Variants in TMCC1 observed in about 807,000 individuals in gnomAD.
TMCC1 encodes transmembrane and coiled-coil domains protein 1.
In TMCC1, 15 loss-of-function variants were observed where a neutral mutation model predicts 52.4. The ratio of observed to expected loss-of-function variants is 0.29; its 90% CI spans 0.19 to 0.44. The LOEUF (loss-of-function observed/expected upper bound fraction) is 0.44. Among genes scored for constraint, TMCC1 ranks in the 20% least tolerant of loss-of-function variants. The pLI, the probability that TMCC1 is intolerant of heterozygous loss-of-function variation, is 1.00. For missense variants in TMCC1, 503 were observed against 806.0 expected, an observed-to-expected ratio of 0.62 and a Z score of 4.55; for synonymous variants, 279 against 301.9, an observed-to-expected ratio of 0.92 and a Z score of 0.79.
rs541691859 is a variant in TMCC1, at chr3:129,700,763, C to CT, written c.577-29500dup. Among the ~76,000 whole-genome samples the CT allele has an allele frequency of 3.9e-3, 581 of 150,556 alleles. 3 individuals carry two copies. The highest frequency in any genetic ancestry group is 0.013 in the African/African-American group (544 of 40,876). On this transcript the variant is annotated intron_variant, in intron 4 of 6. Coordinates refer to ENST00000393238, the MANE Select transcript of TMCC1 (RefSeq NM_001017395.5). ...GTGCTGGGATTACAGGCGTGAGCCA[C>CT]TGCGCCCAGCCAAAAAAAAAAAAAA...
intron 1 of TMCC1, chr3:129,892,688 C>CTT (rs1438272321): frequency 6.6e-6 from 1 of 152,230 alleles, no homozygotes; most frequent in Non-Finnish European, 1.5e-5. Context: ...TAGCCAACAG[C>CTT]TCAAGTGGGC....
At chr3:129,750,163 T>C (rs2052362030) in intron 4 of TMCC1, among the ~76,000 whole-genome samples, 1 of 151,898 alleles carries the variant, frequency 6.6e-6, no homozygotes, top group East Asian at 1.9e-4. Context: ...CAAAATCTTG[T>C]CTCAAAATCT....
At chr3:129,727,754 T>C (rs149020470) in intron 4 of TMCC1, among the ~76,000 whole-genome samples, 157 of 152,328 alleles carry the variant, frequency 1.0e-3, no homozygotes, top group African/African-American at 3.4e-3. Flanking sequence ...GCCAGCCCTC[T>C]TGGTACTGAT....
At chr3:129,742,538 C>CTA (rs923303462) in intron 4 of TMCC1, among the ~76,000 whole-genome samples, 10 of 152,056 alleles carry the variant, frequency 6.6e-5, no homozygotes, top group African/African-American at 2.4e-4. Context: ...ACTAGGATGG[C>CTA]TATAAAGACA....
At chr3:129,660,285 C>T (rs1306615136) in intron 5 of TMCC1, among the ~76,000 whole-genome samples, 2 of 152,192 alleles carry the variant, frequency 1.3e-5, no homozygotes, top group East Asian at 3.9e-4. Flanking sequence ...GCAGCTGGGA[C>T]TACAGGCATG....
intron 2 of TMCC1, among the ~76,000 whole-genome samples, chr3:129,860,747 C>A (rs2060353180): frequency 6.6e-6 from 1 of 151,898 alleles, no homozygotes; most frequent in Non-Finnish European, 1.5e-5. Flanking sequence ...TTACAGGTGC[C>A]CGCCACCACA....
intron 6 of TMCC1, among the ~76,000 whole-genome samples, chr3:129,653,824 C>T (rs139100006): frequency 1.2e-3 from 181 of 152,068 alleles, no homozygotes; most frequent in African/African-American, 3.7e-3. Flanking sequence ...TATTCTGTAT[C>T]GCTCAATTAC....
chr3:129,755,008 G>A lies in TMCC1; in HGVS notation c.576+72795C>T, dbSNP rs144384033. ...CAGGAGAATCACTTGAACCCGGGAG[G>A]CGGAGGTTGCAGTGAGCCGAGATCG... On this transcript the variant is annotated intron_variant, in intron 4 of 6. Transcript: ENST00000393238. Among the ~76,000 whole-genome samples the A allele has an allele frequency of 4.5e-3, 692 of 152,202 alleles. 8 individuals are homozygous for A. Among genetic ancestry groups the A allele is most frequent in the African/African-American group, 0.016 (658 of 41,528 alleles).
intron 4 of TMCC1, among the ~76,000 whole-genome samples, chr3:129,792,368 GA>G (rs1344214489): frequency 6.6e-6 from 1 of 151,672 alleles, no homozygotes; most frequent in African/African-American, 2.4e-5. Flanking sequence ...TTTTTTTTAA[GA>G]CGGAGTCTCG....
At chr3:129,735,158 C>T (rs1157817322) in intron 4 of TMCC1, among the ~76,000 whole-genome samples, 1 of 152,164 alleles carries the variant, frequency 6.6e-6, no homozygotes, top group African/African-American at 2.4e-5. Context: ...GCCTTGGCCT[C>T]CCAAAGTGTT....
At chr3:129,715,576 GTGCT>G (rs926890483) in intron 4 of TMCC1, among the ~76,000 whole-genome samples, 1 of 152,130 alleles carries the variant, frequency 6.6e-6, no homozygotes, top group African/African-American at 2.4e-5. Flanking sequence ...TATCTGCTCT[GTGCT>G]TGAAGTGAAA....
At chr3:129,852,125 C>T (rs905505530) in intron 2 of TMCC1, among the ~76,000 whole-genome samples, 10 of 152,072 alleles carry the variant, frequency 6.6e-5, no homozygotes, top group African/African-American at 2.4e-4. Flanking sequence ...TGTACTCCAA[C>T]CTGGGCAACA....
chr3:129,844,560 A>G (rs2059573026), intron 2 of TMCC1, among the ~76,000 whole-genome samples: 1 of 152,102 alleles, frequency 6.6e-6, no homozygotes, highest in South Asian at 2.1e-4. Flanking sequence ...CAGAGTTTGC[A>G]TTGGTAGTTT....
chr3:129,804,286 C>A (rs912257412), intron 4 of TMCC1, among the ~76,000 whole-genome samples: 4 of 152,156 alleles, frequency 2.6e-5, no homozygotes, highest in Non-Finnish European at 5.9e-5. Context: ...AATATAATGC[C>A]ATGCAAATAC....
intron 1 of TMCC1, among the ~76,000 whole-genome samples, chr3:129,887,846 C>T (rs182861625): frequency 2.1e-3 from 320 of 152,198 alleles, no homozygotes; most frequent in African/African-American, 7.1e-3. Flanking sequence ...GCTGTCAAAA[C>T]CCATAGAAAT....
chr3:129,756,586 G>A (rs566132756), intron 4 of TMCC1, among the ~76,000 whole-genome samples: 125 of 152,244 alleles, frequency 8.2e-4, no homozygotes, highest in African/African-American at 2.8e-3. Context: ...TTTTAGTAGA[G>A]ACGGGGTTTC....
At chr3:129,882,377 A>AGT (rs2061499518) in intron 1 of TMCC1, among the ~76,000 whole-genome samples, 1 of 152,042 alleles carries the variant, frequency 6.6e-6, no homozygotes, top group East Asian at 1.9e-4. Flanking sequence ...AGTGCTGGCA[A>AGT]GGATATGGAG....
At chr3:129,764,026 A>G (rs1253912379) in intron 4 of TMCC1, among the ~76,000 whole-genome samples, 2 of 152,238 alleles carry the variant, frequency 1.3e-5, no homozygotes, top group Non-Finnish European at 2.9e-5. Context: ...ACTTAAGACT[A>G]TAGATATTAC....
intron 1 of TMCC1, among the ~76,000 whole-genome samples, chr3:129,881,774 C>T (rs924493101): frequency 3.9e-5 from 6 of 152,022 alleles, no homozygotes; most frequent in African/African-American, 9.7e-5. Context: ...GAAGGAAAGA[C>T]GAGTGAATGT....
Sources: allele counts gnomAD v4.1 joint callset (sites outside exome capture counted in the v4.1 genomes callset), GRCh38; gene constraint gnomAD v4.1.1; transcripts MANE v1.5; gene names NCBI Gene and HGNC (gene_info 2026-07-23, HGNC 2026-07-21).